The following ZNF562 variants were observed in gnomAD, a reference collection of about 807,000 sequenced individuals.
ZNF562 encodes the protein zinc finger protein 562.
Under a neutral mutation model 17.5 loss-of-function variants are expected in ZNF562, and 13 were observed. The ratio of observed to expected loss-of-function variants is 0.74; its 90% confidence interval spans 0.48 to 1.18. The LOEUF is 1.18. ZNF562 is among the 50% of genes most tolerant of loss of function. The pLI is 0.00. For synonymous variants in ZNF562, 163 were observed against 165.4 expected (o/e 0.99, Z 0.11); for missense variants, 481 against 498.5 (o/e 0.96, Z 0.33).
intron 1 of ZNF562, among the ~76,000 whole-genome samples, chr19:9,667,357 G>A (rs934605187): frequency 1.3e-5 from 2 of 151,908 alleles, no homozygotes; most frequent in African/African-American, 4.8e-5. Flanking sequence ...TGTATAGAAC[G>A]AATATACCTC....
chr19:9,669,416 C>T (rs1378043061), intron 1 of ZNF562, among the ~76,000 whole-genome samples: 2 of 152,128 alleles, frequency 1.3e-5, no homozygotes, highest in South Asian at 2.1e-4. Context: ...TATCATCTCA[C>T]CTCATTTAGA....
Position 9,647,011 on chromosome 19 carries a change from T to G in ZNF562, c.*5938A>C, listed in dbSNP as rs536809245. Reference sequence around the variant, plus strand: ...CCAGGCTGGTCTCGAACTCCTGACCTCAGGTGACCCCCTGCCTTGACCTCC... The same window carrying G: ...CCAGGCTGGTCTCGAACTCCTGACCGCAGGTGACCCCCTGCCTTGACCTCC... On this transcript the variant is annotated 3_prime_UTR_variant, in exon 6 of 6. Coordinates refer to ENST00000453372, the MANE Select transcript of ZNF562 (RefSeq NM_001130031.2). The G allele has an allele frequency of 6.6e-6, 1 of 151,950 alleles. No homozygotes were observed. The highest frequency in any genetic ancestry group is 2.4e-5 in the African/African-American group (1 of 41,424). The allele number at this position is 151,950 out of a possible 1,614,324, so 9.4% of individuals were successfully genotyped here.
Position 9,647,393 on chromosome 19 carries a change from ATTTAT to A in ZNF562, c.*5551_*5555del, listed in dbSNP as rs2074815596. The stretch of plus-strand genomic sequence containing the variant: ...CCACTCCCAGCCTGATAACTGTTTT[ATTTAT>A]TTATTTTTATTTTTTTGGAGATATG... On this transcript the variant is annotated 3_prime_UTR_variant, in exon 6 of 6. Coordinates refer to ENST00000453372, the MANE Select transcript of ZNF562 (RefSeq NM_001130031.2). 6.6e-6 allele frequency: 1 copy of A among 151,744 alleles called. No homozygotes were observed. The highest frequency in any genetic ancestry group is 2.4e-5 in the African/African-American group (1 of 41,290). The allele number at this position is 151,744 out of a possible 1,614,324, so 9.4% of individuals were successfully genotyped here.
chr19:9,654,722 C>G (rs2043394668), intron 5 of ZNF562, among the ~76,000 whole-genome samples: 1 of 152,136 alleles, frequency 6.6e-6, no homozygotes, highest in Non-Finnish European at 1.5e-5. Context: ...GCTGGAATTA[C>G]AGGCATGAGG....
In ZNF562 at chr19:9,642,412, A is replaced by G. The variant is rs2074778301; in HGVS notation, c.*10537T>C. 1 of 151,752 alleles carries G rather than the reference A, an allele frequency of 6.6e-6. No individual in the cohort carries two copies. The highest frequency in any genetic ancestry group is 2.4e-5 in the African/African-American group (1 of 41,270). The allele number at this position is 151,752 out of a possible 1,614,324, so 9.4% of individuals were successfully genotyped here. ...GTCCTTTGCCTGAGTACCAGGGACT[A>G]CATACGTGCACCACCACATCCAGCT... On this transcript the variant is annotated 3_prime_UTR_variant, in exon 6 of 6. Transcript: ENST00000453372.
At position 9,653,268 on chromosome 19, in the gene ZNF562, C is replaced by A. The variant is rs1322180217; in HGVS notation, c.962G>T (p.Cys321Phe). The change falls in exon 6 of 6, where the codon TGT becomes TTT. Residue 321 changes from cysteine to phenylalanine, a missense_variant. Physicochemically the swap from Cys to Phe is radical, Grantham distance 205. Coordinates refer to ENST00000453372, the MANE Select transcript of ZNF562 (RefSeq NM_001130031.2). ...TGIKPHKCTE[C>F]GKAFTRSTHL... ...AGTTGATCTAGTGAAGGCTTTCCCA[C>A]ATTCCGTACATTTGTGTGGTTTTAT... 4 of 1,614,194 alleles carry A rather than the reference C, an allele frequency of 2.5e-6. No individual in the cohort carries two copies. The highest frequency in any genetic ancestry group is 3.4e-6 in the Non-Finnish European group (4 of 1,180,040).
At chr19:9,665,413 A>G (rs1352114145) in intron 1 of ZNF562, among the ~76,000 whole-genome samples, 2 of 152,100 alleles carry the variant, frequency 1.3e-5, no homozygotes, top group African/African-American at 4.8e-5. Context: ...CACCTTCTCC[A>G]CCATCCTGGG....
Position 9,653,855 on chromosome 19 carries a change from T to G in ZNF562, c.375A>C (p.Lys125Asn). The change falls in exon 6 of 6, where the codon AAA becomes AAC. Residue 125 changes from lysine (K) to asparagine (N), a missense_variant. Transcript: ENST00000453372. Reference protein sequence around the residue: ...QMQTRSYSGWKLCENCGEVFS... With the variant: ...QMQTRSYSGWNLCENCGEVFS... ...AGACCTCTCCACAATTCTCACAGAG[T>G]TTCCATCCACTGTAGCTTCTTGTCT... 6.3e-7 allele frequency: 1 copy of G among 1,592,000 alleles called. No homozygotes were observed. The highest frequency in any genetic ancestry group is 1.1e-5 in the South Asian group (1 of 87,076).
In ZNF562 at chr19:9,653,400, G is replaced by C; in HGVS notation, c.830C>G (p.Ala277Gly). 6.2e-7 allele frequency: 1 copy of C among 1,614,158 alleles called. No homozygotes were observed. Among genetic ancestry groups the C allele is most frequent in the South Asian group, 1.1e-5 (1 of 91,072 alleles). ...CTCTCCTTTATGAGTTTTTGCATGT[G>C]CAGAAAGTTGAGAAAAATTAGTGAA... ...KSFTNFSQLS[A>G]HAKTHKGEKS... Residue 277 changes from alanine (A) to glycine (G), a missense_variant, in exon 6 of 6, where the codon GCA becomes GGA. Ala to Gly is a moderately conservative substitution (Grantham distance 60). Around this residue, in one of 2 missense-constraint regions of ZNF562, gnomAD observed 403 missense variants for 386.4 expected, o/e 1.04. Transcript: ENST00000453372.
rs1568251772 is a variant in ZNF562 at position 9,647,758 on chromosome 19, G to C, written c.*5191C>G. The C allele has an allele frequency of 6.6e-6, 1 of 152,084 alleles. No homozygotes were observed. Among genetic ancestry groups the C allele is most frequent in the Non-Finnish European group, 1.5e-5 (1 of 68,052 alleles). 9.4% of individuals were successfully genotyped at this position (152,084 alleles called of 1,614,324 possible). On this transcript the variant is annotated 3_prime_UTR_variant, in exon 6 of 6. Transcript: ENST00000453372. ...CTCAGCTACTCGGGAGGCTGAGGCA[G>C]GAGAACCACTGGAACCCAGGAGGTG...
intron 1 of ZNF562, among the ~76,000 whole-genome samples, chr19:9,667,353 G>A (rs1448171379): frequency 6.6e-6 from 1 of 152,028 alleles, no homozygotes; most frequent in Non-Finnish European, 1.5e-5. Context: ...ACTGTGTATA[G>A]AACGAATATA....
chr19:9,660,610 GAAAA>G, intron 2 of ZNF562, 106 bp downstream of exon 2: 2 of 921,484 alleles, frequency 2.2e-6, no homozygotes, highest in Non-Finnish European at 3.1e-6. Flanking sequence ...CCATCTAAAA[GAAAA>G]AAAAAAAAAG....
chr19:9,661,767 C>G (rs1309288761), intron 1 of ZNF562, among the ~76,000 whole-genome samples: 1 of 152,028 alleles, frequency 6.6e-6, no homozygotes, highest in Admixed American at 6.6e-5. Flanking sequence ...CGCACTCCAG[C>G]CCAGGTGACA....
Position 9,652,825 on chromosome 19 carries a change from C to T in ZNF562, c.*124G>A. 1.2e-6 allele frequency: 1 copy of T among 814,232 alleles called. No homozygotes were observed. 50.4% of individuals were successfully genotyped at this position (814,232 alleles called of 1,614,324 possible). ...TCTCCCCAGTGTGAATTCTTTCATGCATACTTAGGCATGAGGAAAGAGCAA... is the reference window on the plus strand; with the variant it reads ...TCTCCCCAGTGTGAATTCTTTCATGTATACTTAGGCATGAGGAAAGAGCAA... On this transcript the variant is annotated 3_prime_UTR_variant, in exon 6 of 6. Transcript: ENST00000453372.
rs1301850228 is a variant in ZNF562, at chr19:9,653,069, A to G, written c.1161T>C (p.Leu387=). The G allele has an allele frequency of 6.2e-7, 1 of 1,606,954 alleles. No individual in the cohort carries two copies. The highest frequency in any genetic ancestry group is 1.3e-5 in the African/African-American group (1 of 74,698). ...CTGTGTGAATTCTTCTATGTTGAGT[A>G]AGCGTTGAAGATCTATTGAAGGCTT... is the stretch of plus-strand genomic sequence containing the variant. ...CGKAFNRSST[L]TQHRRIHTGE... The change falls in exon 6 of 6, where the codon CTT becomes CTC. Residue 387 remains leucine, a synonymous_variant. Transcript: ENST00000453372.
Position 9,644,613 on chromosome 19 carries a change from A to C in ZNF562, c.*8336T>G, listed in dbSNP as rs2074794451. On this transcript the variant is annotated 3_prime_UTR_variant, in exon 6 of 6. Transcript: ENST00000453372. ...AAGGAGGAGCAAAGGCACATCTTAT[A>C]TGGCAGAAGGCAAGAGAGCCTGTCC... 6.6e-6 allele frequency: 1 copy of C among 152,248 alleles called. No homozygotes were observed. Among genetic ancestry groups the C allele is most frequent in the Non-Finnish European group, 1.5e-5 (1 of 68,068 alleles). The allele number at this position is 152,248 out of a possible 1,614,324, so 9.4% of individuals were successfully genotyped here.
rs373657128 is a variant in ZNF562, at chr19:9,657,989, C to A, written c.241+20G>T. The A allele has an allele frequency of 3.7e-6, 6 of 1,600,746 alleles. No homozygotes were observed. The highest frequency in any genetic ancestry group is 3.4e-6 in the Non-Finnish European group (4 of 1,171,874). On this transcript the variant is annotated intron_variant, in intron 4 of 5. Coordinates refer to ENST00000453372, the MANE Select transcript of ZNF562 (RefSeq NM_001130031.2). ...TACAGGTGCAGGCCACCATGCCAAG[C>A]AAAGTGATGTTACTCTTACCCACAG...
chr19:9,644,447 T>C lies in ZNF562; in HGVS notation c.*8502A>G, dbSNP rs2074793301. 6.6e-6 allele frequency: 1 copy of C among 151,902 alleles called. No homozygotes were observed. Among genetic ancestry groups the C allele is most frequent in the South Asian group, 2.1e-4 (1 of 4,808 alleles). The allele number at this position is 151,902 out of a possible 1,614,324, so 9.4% of individuals were successfully genotyped here. ...CTCTACCAAAATAAAAAAGTGTGAG[T>C]TTAGGTGCTGTGTTCCTTGTTGTTG... On this transcript the variant is annotated 3_prime_UTR_variant, in exon 6 of 6. Transcript: ENST00000453372.
chr19:9,650,238 C>T lies in ZNF562; in HGVS notation c.*2711G>A, dbSNP rs1326845338. 2 of 152,056 alleles carry T rather than the reference C, an allele frequency of 1.3e-5. No homozygotes were observed. The highest frequency in any genetic ancestry group is 4.8e-5 in the African/African-American group (2 of 41,392). The allele number at this position is 152,056 out of a possible 1,614,324, so 9.4% of individuals were successfully genotyped here. On this transcript the variant is annotated 3_prime_UTR_variant, in exon 6 of 6. Coordinates refer to ENST00000453372, the MANE Select transcript of ZNF562 (RefSeq NM_001130031.2). Reference sequence around the variant, plus strand: ...AGAAAATATTTAGAGAGAGCTTCATCATCATACGAATTTTGGGGGTCATTG... The same window carrying T: ...AGAAAATATTTAGAGAGAGCTTCATTATCATACGAATTTTGGGGGTCATTG...
Sources: allele counts gnomAD v4.1 joint callset (sites outside exome capture counted in the v4.1 genomes callset), GRCh38; gene constraint gnomAD v4.1.1; regional missense constraint gnomAD v4.1.1; transcripts MANE v1.5; gene names NCBI Gene and HGNC (gene_info 2026-07-23, HGNC 2026-07-21).